Variants in LHFPL6 observed in about 807,000 individuals in gnomAD.
LHFPL6 encodes LHFPL tetraspan subfamily member 6, also known as LHFPL tetraspan subfamily member 6 protein.
A neutral mutation model predicts 20.6 loss-of-function variants in LHFPL6; 9 were observed. The ratio of observed to expected loss-of-function variants is 0.44; its 90% CI spans 0.26 to 0.76. The LOEUF (loss-of-function observed/expected upper bound fraction) is 0.76, where lower values mean the gene tolerates loss of function less well. Ranked by LOEUF, LHFPL6 falls within the 30% of genes least tolerant of loss-of-function variation. The probability of loss-of-function intolerance (pLI) is 0.20; values close to 1 mark genes in which losing one functional copy is unlikely to be tolerated. For missense variants in LHFPL6, 218 were observed against 253.5 expected (o/e 0.86, Z 0.95); for synonymous variants, 105 against 98.7 (o/e 1.06, Z -0.38).
intron 3 of LHFPL6, among the ~76,000 whole-genome samples, chr13:39,353,358 A>G (rs1194992866): frequency 6.6e-6 from 1 of 152,048 alleles, no homozygotes; most frequent in African/African-American, 2.4e-5. Context: ...GACCACCCAA[A>G]CTTGGTTGGT....
At chr13:39,423,568 C>T (rs10467466) in intron 2 of LHFPL6, among the ~76,000 whole-genome samples, 42,922 of 151,890 alleles carry the variant, frequency 0.28, 7,016 homozygotes, top group East Asian at 0.68. Flanking sequence ...GGATTACAGG[C>T]ACCTACCACC....
At chr13:39,542,122 T>TAATAATAAC (rs1232342999) in intron 2 of LHFPL6, among the ~76,000 whole-genome samples, 1 of 144,726 alleles carries the variant, frequency 6.9e-6, no homozygotes, top group Non-Finnish European at 1.5e-5. Context: ...ATAATAATAA[T>TAATAATAAC]AATAATAATA....
chr13:39,491,024 G>C (rs1044448849), intron 2 of LHFPL6, among the ~76,000 whole-genome samples: 5 of 152,174 alleles, frequency 3.3e-5, no homozygotes, highest in African/African-American at 1.2e-4. Flanking sequence ...TTAAAATAAA[G>C]ATAGTGACTG....
intron 2 of LHFPL6, among the ~76,000 whole-genome samples, chr13:39,389,609 C>G (rs1469464987): frequency 6.6e-6 from 1 of 152,142 alleles, no homozygotes; most frequent in Non-Finnish European, 1.5e-5. Context: ...AAGCCACCTG[C>G]ACCTCTTGGG....
intron 2 of LHFPL6, among the ~76,000 whole-genome samples, chr13:39,510,890 G>C (rs1249013897): frequency 7.0e-6 from 1 of 143,136 alleles, no homozygotes; most frequent in Non-Finnish European, 1.5e-5. Flanking sequence ...TTTTTCTTTT[G>C]AGAGGGAGTT....
At chr13:39,468,129 A>G (rs1037083721) in intron 2 of LHFPL6, among the ~76,000 whole-genome samples, 3 of 152,176 alleles carry the variant, frequency 2.0e-5, no homozygotes, top group Non-Finnish European at 2.9e-5. Context: ...CTCCACTGCT[A>G]TCTTTTTCAC....
intron 2 of LHFPL6, among the ~76,000 whole-genome samples, chr13:39,522,215 A>C (rs1870130489): frequency 6.6e-6 from 1 of 152,148 alleles, no homozygotes; most frequent in Admixed American, 6.5e-5. Context: ...AATCCAGTAA[A>C]CCCTCACAAA....
At position 39,349,178 on chromosome 13, in the gene LHFPL6, C is replaced by A. The variant is rs370365895; in HGVS notation, c.485-5124G>T. ...TTCATTTAAGACATGAAGGCTTTTT[C>A]ATTTACTAAGTAATTTTTAAAATAA... On this transcript the variant is annotated intron_variant, in intron 3 of 3. Transcript: ENST00000379589. 8.5e-5 allele frequency among the ~76,000 whole-genome samples: 13 copies of A among 152,162 alleles called. No homozygotes were observed. The East Asian group carries it at 2.3e-3, about 27-fold the overall frequency.
intron 2 of LHFPL6, among the ~76,000 whole-genome samples, chr13:39,590,236 T>C (rs1442728259): frequency 6.6e-6 from 1 of 152,164 alleles, no homozygotes; most frequent in Non-Finnish European, 1.5e-5. Flanking sequence ...CAAGGGTCCC[T>C]TCAGGGTGCA....
At chr13:39,524,608 T>A (rs2138488995) in intron 2 of LHFPL6, among the ~76,000 whole-genome samples, 1 of 152,314 alleles carries the variant, frequency 6.6e-6, no homozygotes, top group Non-Finnish European at 1.5e-5. Flanking sequence ...AGGTATCCGG[T>A]CATTTATAAA....
At chr13:39,449,319 A>C (rs1872378987) in intron 2 of LHFPL6, among the ~76,000 whole-genome samples, 3 of 152,250 alleles carry the variant, frequency 2.0e-5, no homozygotes, top group African/African-American at 7.2e-5. Context: ...CAAATTAATA[A>C]AGTAATATTT....
intron 2 of LHFPL6, among the ~76,000 whole-genome samples, chr13:39,592,755 A>G (rs2138550204): frequency 6.6e-6 from 1 of 152,354 alleles, no homozygotes; most frequent in South Asian, 2.1e-4. Context: ...CCAGCAGCAC[A>G]TCAAAAAGCT....
At chr13:39,423,433 T>A (rs1871548732) in intron 2 of LHFPL6, among the ~76,000 whole-genome samples, 2 of 151,980 alleles carry the variant, frequency 1.3e-5, no homozygotes, top group Admixed American at 6.6e-5. Context: ...TTTTTTTTTT[T>A]ATTTTTTGAG....
rs545494801 is a variant in LHFPL6 at position 39,395,391 on chromosome 13, A to C, written c.386-16865T>G. Among the ~76,000 whole-genome samples, 8 of 152,284 alleles carry C rather than the reference A, an allele frequency of 5.3e-5. No individual in the cohort carries two copies. The East Asian group carries it at 1.5e-3, about 29-fold the overall frequency. On this transcript the variant is annotated intron_variant, in intron 2 of 3. Coordinates refer to ENST00000379589, the MANE Select transcript of LHFPL6 (RefSeq NM_005780.3). ...GACCATTTAAAGCCGCTTTTTATGG[A>C]GTTATCGTTAGGACTTTTCCCCTTG...
chr13:39,542,015 C>T (rs1370177985), intron 2 of LHFPL6, among the ~76,000 whole-genome samples: 4 of 151,420 alleles, frequency 2.6e-5, no homozygotes, highest in African/African-American at 4.9e-5. Context: ...GGCGTGAACC[C>T]GGGAGGCAGA....
chr13:39,602,620 A>G (rs2138559733), intron 1 of LHFPL6, among the ~76,000 whole-genome samples: 1 of 152,262 alleles, frequency 6.6e-6, no homozygotes, highest in African/African-American at 2.4e-5. Context: ...ATGGAGACAC[A>G]CAATGATCCC....
chr13:39,474,885 G>C (rs143026472), intron 2 of LHFPL6, among the ~76,000 whole-genome samples: 6 of 152,178 alleles, frequency 3.9e-5, no homozygotes, highest in Non-Finnish European at 7.3e-5. Flanking sequence ...GGGAGTAGGG[G>C]AGGGCCTTCT....
At chr13:39,592,299 G>A (rs1872630902) in intron 2 of LHFPL6, among the ~76,000 whole-genome samples, 4 of 151,946 alleles carry the variant, frequency 2.6e-5, no homozygotes, top group African/African-American at 4.8e-5. Flanking sequence ...TATCACCACC[G>A]ATCCCACAGA....
chr13:39,427,676 C>G (rs528623), intron 2 of LHFPL6, among the ~76,000 whole-genome samples: 1 of 152,166 alleles, frequency 6.6e-6, no homozygotes, highest in African/African-American at 2.4e-5. Flanking sequence ...TTGGATATGA[C>G]TTGCTAAAAA....
Sources: allele counts gnomAD v4.1 joint callset (sites outside exome capture counted in the v4.1 genomes callset), GRCh38; gene constraint gnomAD v4.1.1; transcripts MANE v1.5; gene names NCBI Gene and HGNC (gene_info 2026-07-23, HGNC 2026-07-21).